The following ARHGAP18 variants were observed in gnomAD, a reference collection of about 807,000 sequenced individuals.
ARHGAP18 encodes the protein Rho GTPase activating protein 18.
In ARHGAP18, 67 loss-of-function variants were observed where a neutral mutation model predicts 86.2. The observed-to-expected ratio is 0.78, with a 90% CI of 0.64 to 0.95. ARHGAP18 has a LOEUF of 0.95. ARHGAP18 is among the 40% of genes least tolerant of loss of function. The probability of loss-of-function intolerance (pLI) is 0.00; values close to 1 mark genes in which losing one functional copy is unlikely to be tolerated. For synonymous variants in ARHGAP18, 283 were observed against 280.4 expected (o/e 1.01, Z -0.09); for missense variants, 691 against 780.4 (o/e 0.89, Z 1.37).
At chr6:129,654,224 A>G (rs1212860704) in intron 1 of ARHGAP18, among the ~76,000 whole-genome samples, 5 of 152,234 alleles carry the variant, frequency 3.3e-5, no homozygotes, top group Admixed American at 3.3e-4. Flanking sequence ...GAGGAGAGGT[A>G]GACGGTAGAG....
intron 12 of ARHGAP18, among the ~76,000 whole-genome samples, chr6:129,593,902 TATTA>T (rs765494704): frequency 1.2e-4 from 19 of 152,224 alleles, no homozygotes; most frequent in Non-Finnish European, 2.6e-4. Context: ...TGGCTCAAAT[TATTA>T]ATTAACTAGT....
intron 1 of ARHGAP18, among the ~76,000 whole-genome samples, chr6:129,652,391 C>T (rs1163325321): frequency 6.6e-6 from 1 of 152,206 alleles, no homozygotes; most frequent in Non-Finnish European, 1.5e-5. Context: ...AAATTCTTCA[C>T]CTTTTCAGTT....
At chr6:129,698,533 CTTTT>C (rs59159724) in intron 1 of ARHGAP18, among the ~76,000 whole-genome samples, 1 of 138,026 alleles carries the variant, frequency 7.2e-6, no homozygotes, top group Non-Finnish European at 1.6e-5. Flanking sequence ...TGTTAAAGCA[CTTTT>C]TTTTTTTTTT....
At chr6:129,625,788 ATAT>A (rs1315310356) in intron 5 of ARHGAP18, among the ~76,000 whole-genome samples, 1 of 69,150 alleles carries the variant, frequency 1.4e-5, no homozygotes, top group Non-Finnish European at 2.5e-5. Flanking sequence ...TATATATAAT[ATAT>A]ATTTTTATAT....
intron 12 of ARHGAP18, among the ~76,000 whole-genome samples, chr6:129,588,358 C>T (rs1031474827): frequency 6.6e-6 from 1 of 152,182 alleles, no homozygotes; most frequent in Non-Finnish European, 1.5e-5. Context: ...TCAAGTGATC[C>T]ACCCGCCTTG....
intron 1 of ARHGAP18, chr6:129,661,807 C>T (rs1773958364): frequency 1.1e-6 from 1 of 938,216 alleles, no homozygotes; most frequent in Non-Finnish European, 1.3e-6. Flanking sequence ...GGCCCTCCAC[C>T]CTCAGCCCAT....
intron 2 of ARHGAP18, among the ~76,000 whole-genome samples, chr6:129,639,240 G>T (rs905034207): frequency 6.6e-6 from 1 of 152,034 alleles, no homozygotes; most frequent in Admixed American, 6.5e-5. Flanking sequence ...TATATAGGAA[G>T]ATAATCAAAC....
intron 1 of ARHGAP18, among the ~76,000 whole-genome samples, chr6:129,679,233 A>C (rs570356848): frequency 5.3e-5 from 8 of 152,326 alleles, no homozygotes; most frequent in Admixed American, 5.2e-4. Context: ...AAAATGTTCC[A>C]ATTAATATTG....
intron 1 of ARHGAP18, among the ~76,000 whole-genome samples, chr6:129,662,756 TAG>T (rs1386355212): frequency 1.3e-5 from 2 of 152,280 alleles, no homozygotes; most frequent in Non-Finnish European, 2.9e-5. Context: ...TGCTTAAATA[TAG>T]AGAGGCACAT....
chr6:129,649,907 T>C (rs1272938671), intron 1 of ARHGAP18, among the ~76,000 whole-genome samples: 1 of 130,852 alleles, frequency 7.6e-6, no homozygotes, highest in African/African-American at 2.9e-5. Flanking sequence ...TCGTCTTCTT[T>C]TTTTTTGTTT....
chr6:129,602,510 G>GT (rs1788768006), intron 10 of ARHGAP18, among the ~76,000 whole-genome samples: 2 of 151,990 alleles, frequency 1.3e-5, no homozygotes, highest in Admixed American at 1.3e-4. Flanking sequence ...AAAAATTCCT[G>GT]TAAGTGCTAA....
intron 1 of ARHGAP18, among the ~76,000 whole-genome samples, chr6:129,671,152 A>G (rs1774134227): frequency 6.6e-6 from 1 of 152,220 alleles, no homozygotes; most frequent in Non-Finnish European, 1.5e-5. Flanking sequence ...TAATTTATCT[A>G]TACATAATCC....
chr6:129,705,188 G>C (rs2114559573), intron 1 of ARHGAP18, among the ~76,000 whole-genome samples: 1 of 152,310 alleles, frequency 6.6e-6, no homozygotes, highest in East Asian at 1.9e-4. Flanking sequence ...CAGTAAGAGA[G>C]AGCTCTTATA....
At chr6:129,583,740 TC>T (rs1259117100) in intron 13 of ARHGAP18, among the ~76,000 whole-genome samples, 2 of 152,166 alleles carry the variant, frequency 1.3e-5, no homozygotes, top group Non-Finnish European at 2.9e-5. Context: ...GAAGGAACAC[TC>T]AGAAATCCTG....
At chr6:129,612,961 T>C (rs535072422) in intron 7 of ARHGAP18, among the ~76,000 whole-genome samples, 12 of 152,218 alleles carry the variant, frequency 7.9e-5, no homozygotes, top group East Asian at 5.8e-4. Context: ...AGGCCGGGCA[T>C]GGTGGCTCAC....
chr6:129,589,119 T>C (rs1349744863), intron 12 of ARHGAP18, among the ~76,000 whole-genome samples: 1 of 152,210 alleles, frequency 6.6e-6, no homozygotes, highest in Non-Finnish European at 1.5e-5. Context: ...TAGACATTTT[T>C]CCCATTGTCT....
chr6:129,625,098 T>TATATGATATATATA (rs1554335952), intron 5 of ARHGAP18, among the ~76,000 whole-genome samples: 3,787 of 80,358 alleles, frequency 0.047, 654 homozygotes, highest in Non-Finnish European at 0.077. Context: ...TGATATATGA[T>TATATGATATATATA]ATATATTATA....
intron 1 of ARHGAP18, among the ~76,000 whole-genome samples, chr6:129,658,124 G>A (rs1773877385): frequency 6.6e-6 from 1 of 152,194 alleles, no homozygotes; most frequent in Non-Finnish European, 1.5e-5. Flanking sequence ...GAGCATGGCT[G>A]ATACATCCTA....
At position 129,596,320 on chromosome 6, in the gene ARHGAP18, C is replaced by G. The variant is rs115828929; in HGVS notation, c.1713+2896G>C. 4.3e-3 allele frequency among the ~76,000 whole-genome samples: 650 copies of G among 152,216 alleles called. 2 individuals are homozygous for G. The highest frequency in any genetic ancestry group is 0.015 in the African/African-American group (635 of 41,524). ...AAGTTCCTGTCTTAAGGTTTTTTCA[C>G]AGACTATTCTTTCTGCCTGGACTGA... On this transcript the variant is annotated intron_variant, in intron 12 of 14. Coordinates refer to ENST00000368149, the MANE Select transcript of ARHGAP18 (RefSeq NM_033515.3).
Sources: gnomAD v4.1 joint callset for allele counts (sites outside exome capture counted in the v4.1 genomes callset) on GRCh38, gnomAD v4.1.1 for gene constraint, MANE v1.5 for transcripts, NCBI Gene and HGNC (gene_info 2026-07-23, HGNC 2026-07-21) for gene names.